The following DNM1 variants were observed in gnomAD, a reference collection of about 807,000 sequenced individuals.
DNM1 encodes the protein dynamin-1.
In DNM1, 29 loss-of-function variants were observed where a neutral mutation model predicts 104.6. That is an observed-to-expected ratio of 0.28 (90% CI 0.21 to 0.38). The LOEUF is 0.38. Ranked by LOEUF, DNM1 falls within the 10% of genes least tolerant of loss-of-function variation. DNM1 has a pLI of 1.00. For synonymous variants in DNM1, 445 were observed against 475.8 expected (o/e 0.94, Z 0.84); for missense variants, 640 against 1,189.4 (o/e 0.54, Z 6.79).
chr9:128,246,840 G>A (rs1836858868), intron 16 of DNM1: 1 of 375,252 alleles, frequency 2.7e-6, no homozygotes, highest in Admixed American at 3.7e-5. Flanking sequence ...CATAGTCACT[G>A]GTATAGTGCA....
Position 128,220,726 on chromosome 9 carries a change from A to AGCGCACGC in DNM1, c.849+386_849+387insCGCACGCG, listed in dbSNP as rs747195864. 7.5e-6 allele frequency among the ~76,000 whole-genome samples: 1 copy of AGCGCACGC among 133,392 alleles called. No individual in the cohort carries two copies. The highest frequency in any genetic ancestry group is 1.6e-5 in the Non-Finnish European group (1 of 61,210). The allele number at this position is 133,392 out of a possible 152,430, so 87.5% of individuals were successfully genotyped here. A position where few individuals can be genotyped will look rare whatever the true frequency, so the allele number is the denominator to read the frequency against. On this transcript the variant is annotated intron_variant, in intron 6 of 21. Transcript: ENST00000372923. This position sits in a 1 kb window ranked among gnomAD's most constrained non-coding sequence, Gnocchi z 5.2. Reference sequence around the variant, plus strand: ...TCTGGAATGGGGCATCCAGAACTGAAGTGCGCGCGCGCGCGCGTGTGTGTG... The same window carrying AGCGCACGC: ...TCTGGAATGGGGCATCCAGAACTGAAGCGCACGCGTGCGCGCGCGCGCGCGTGTGTGTG...
intron 10 of DNM1, chr9:128,233,739 G>T: frequency 1.9e-6 from 1 of 513,456 alleles, no homozygotes; most frequent in South Asian, 2.2e-5. Flanking sequence ...TCTCCCACGG[G>T]AACCACCCCT....
At chr9:128,215,878 G>A (rs1834571995) in intron 1 of DNM1, among the ~76,000 whole-genome samples, 1 of 151,974 alleles carries the variant, frequency 6.6e-6, no homozygotes. Context: ...GAAGAGGGTG[G>A]ACCCCCGGCC....
rs757364937 is a variant in DNM1 at position 128,218,490 on chromosome 9, G to A, written c.236-92G>A. 148 of 1,492,060 alleles carry A rather than the reference G, an allele frequency of 9.9e-5. No individual in the cohort carries two copies. Among genetic ancestry groups the A allele is most frequent in the Non-Finnish European group, 1.3e-4 (140 of 1,084,376 alleles). The allele number at this position is 1,492,060 out of a possible 1,614,324, so 92.4% of individuals were successfully genotyped here. A position where few individuals can be genotyped will look rare whatever the true frequency, so the allele number is the denominator to read the frequency against. ...TGGTGGTTCTGCTTGGGTGTGTCTA[G>A]GGGGTTCTATTACCGGTGGGAGATG... On this transcript the variant is annotated intron_variant, in intron 2 of 21. Transcript: ENST00000372923. The surrounding 1 kb of genome is among the most constrained non-coding windows in gnomAD (Gnocchi z 4.8).
chr9:128,239,568 G>A (rs1321148951), intron 12 of DNM1, 53 bp downstream of exon 12: 47 of 81,208 alleles, frequency 5.8e-4, no homozygotes, highest in South Asian at 3.4e-3. Context: ...AGAAGGTAAC[G>A]TGTGTGTGTG....
intron 1 of DNM1, among the ~76,000 whole-genome samples, chr9:128,211,592 G>C (rs575258985): frequency 6.8e-6 from 1 of 146,634 alleles, no homozygotes; most frequent in South Asian, 2.2e-4. Context: ...GCTGGGGCTT[G>C]AACTCCTGGC....
At chr9:128,227,144 G>C (rs145453714) in intron 10 of DNM1, among the ~76,000 whole-genome samples, 199 of 151,420 alleles carry the variant, frequency 1.3e-3, no homozygotes, top group Middle Eastern at 6.8e-3. Flanking sequence ...CTCCCGGGTG[G>C]CTGGGATTAC....
Position 128,203,424 on chromosome 9 carries a change from G to T in DNM1, c.-47G>T, listed in dbSNP as rs754529122. On this transcript the variant is annotated 5_prime_UTR_variant, in exon 1 of 22. Transcript: ENST00000372923. This position sits in a 1 kb window ranked among gnomAD's most constrained non-coding sequence, Gnocchi z 5.3. ...GCGGCGGAGCCGGAGTCGGAGCCGG[G>T]AGCGCTAGCGGCAGCCGGATCGCAG... is the stretch of plus-strand genomic sequence containing the variant. 10 of 1,403,628 alleles carry T rather than the reference G, an allele frequency of 7.1e-6. No homozygotes were observed. The highest frequency in any genetic ancestry group is 2.3e-4 in the Middle Eastern group (1 of 4,328). 86.9% of individuals were successfully genotyped at this position (1,403,628 alleles called of 1,614,324 possible).
chr9:128,251,695 G>A (rs1829543832), intron 21 of DNM1: 1 of 152,702 alleles, frequency 6.5e-6, no homozygotes, highest in Admixed American at 6.5e-5. Flanking sequence ...GTGGCGGCAG[G>A]GGCAGGGATG....
chr9:128,235,560 C>G (rs1013127824), intron 11 of DNM1, among the ~76,000 whole-genome samples: 3 of 152,108 alleles, frequency 2.0e-5, no homozygotes, highest in African/African-American at 4.8e-5. Context: ...ATGGACCACA[C>G]TTTGTTTATT....
rs970875828 is a variant in DNM1 at position 128,218,493 on chromosome 9, G to A, written c.236-89G>A. On this transcript the variant is annotated intron_variant, in intron 2 of 21. Coordinates refer to ENST00000372923, the MANE Select transcript of DNM1 (RefSeq NM_004408.4). This position sits in a 1 kb window ranked among gnomAD's most constrained non-coding sequence, Gnocchi z 4.8. ...TGGTTCTGCTTGGGTGTGTCTAGGG[G>A]GTTCTATTACCGGTGGGAGATGAAA... 7 of 1,496,778 alleles carry A rather than the reference G, an allele frequency of 4.7e-6. No individual in the cohort carries two copies. In the African/African-American group the frequency reaches 5.5e-5, roughly 12 times the overall value. 92.7% of individuals were successfully genotyped at this position (1,496,778 alleles called of 1,614,324 possible).
Position 128,248,774 on chromosome 9 carries a change from G to A in DNM1, c.2076+21G>A. On this transcript the variant is annotated intron_variant, in intron 19 of 21. Coordinates refer to ENST00000372923, the MANE Select transcript of DNM1 (RefSeq NM_004408.4). The surrounding 1 kb of genome is among the most constrained non-coding windows in gnomAD (Gnocchi z 5.6). ...ACAATGTGCGTGCTCCACTGCATGG[G>A]GGCAGGGAAATCCTGTGGCACTGGG... The A allele has an allele frequency of 2.5e-6, 4 of 1,603,046 alleles. No individual in the cohort carries two copies. Among genetic ancestry groups the A allele is most frequent in the Non-Finnish European group, 2.6e-6 (3 of 1,171,000 alleles).
At chr9:128,226,274 C>A in intron 10 of DNM1, 1 of 1,521,838 alleles carries the variant, frequency 6.6e-7, no homozygotes, top group South Asian at 1.3e-5. Flanking sequence ...TCACGGCTAC[C>A]CGCAGGGACC....
Position 128,218,400 on chromosome 9 carries a change from G to A in DNM1, c.235+96G>A. ...CAGCCTGGCCACGAACTTGCTTGCT[G>A]TGTGACTGTGGGCCTCGTTCCCCTT... On this transcript the variant is annotated intron_variant, in intron 2 of 21. Coordinates refer to ENST00000372923, the MANE Select transcript of DNM1 (RefSeq NM_004408.4). This position sits in a 1 kb window ranked among gnomAD's most constrained non-coding sequence, Gnocchi z 4.8. The A allele has an allele frequency of 6.7e-7, 1 of 1,488,964 alleles. No individual in the cohort carries two copies. Among genetic ancestry groups the A allele is most frequent in the Non-Finnish European group, 9.4e-7 (1 of 1,066,784 alleles). The allele number at this position is 1,488,964 out of a possible 1,614,324, so 92.2% of individuals were successfully genotyped here.
At chr9:128,238,786 G>A (rs148194710) in intron 11 of DNM1, among the ~76,000 whole-genome samples, 2,433 of 151,498 alleles carry the variant, frequency 0.016, 80 homozygotes, top group African/African-American at 0.057. Flanking sequence ...CTCCCAAGTA[G>A]CTGGGACTAC....
Position 128,253,268 on chromosome 9 carries a change from T to G in DNM1, c.2535-1386T>G. The G allele has an allele frequency of 1.2e-6, 1 of 811,722 alleles. No individual in the cohort carries two copies. The allele number at this position is 811,722 out of a possible 1,614,324, so 50.3% of individuals were successfully genotyped here. A position where few individuals can be genotyped will look rare whatever the true frequency, so the allele number is the denominator to read the frequency against. ...CTCCCTTCTGCAGCTGCAGACTTGC[T>G]CTTTCCTCTTTCTGTCCTTGTGCCG... On this transcript the variant is annotated intron_variant, in intron 21 of 21. Transcript: ENST00000372923. This position sits in a 1 kb window ranked among gnomAD's most constrained non-coding sequence, Gnocchi z 5.9.
chr9:128,238,412 C>T (rs558017604), intron 11 of DNM1, among the ~76,000 whole-genome samples: 3 of 151,846 alleles, frequency 2.0e-5, no homozygotes, highest in South Asian at 4.2e-4. Flanking sequence ...TTAGTAGAGA[C>T]GGGATTTCTC....
At chr9:128,221,461 G>T (rs771969016) in intron 6 of DNM1, among the ~76,000 whole-genome samples, 38 of 152,176 alleles carry the variant, frequency 2.5e-4, no homozygotes, top group Non-Finnish European at 4.9e-4. Context: ...TAGGATTGTT[G>T]TAAAGGTTCA....
chr9:128,203,896 G>A lies in DNM1; in HGVS notation c.161+265G>A, dbSNP rs533062466. On this transcript the variant is annotated intron_variant, in intron 1 of 21. Transcript: ENST00000372923. The surrounding 1 kb of genome is among the most constrained non-coding windows in gnomAD (Gnocchi z 5.3). ...CTCCTCCGTCCCATCCTTTAGGGCA[G>A]ACAACGCTCTGCCAGAAGCCCCGGG... Among the ~76,000 whole-genome samples, 26 of 152,180 alleles carry A rather than the reference G, an allele frequency of 1.7e-4. No individual in the cohort carries two copies. The highest frequency in any genetic ancestry group is 6.3e-4 in the African/African-American group (26 of 41,542).
Sources: gnomAD v4.1 joint callset for allele counts (sites outside exome capture counted in the v4.1 genomes callset) on GRCh38, gnomAD v4.1.1 for gene constraint, Gnocchi (gnomAD v3.1) non-coding constraint, MANE v1.5 for transcripts, NCBI Gene and HGNC (gene_info 2026-07-23, HGNC 2026-07-21) for gene names.